The following AHNAK2 variants were observed in gnomAD, a reference collection of about 807,000 sequenced individuals.
AHNAK2 encodes the protein protein AHNAK2.
AHNAK2 carries 18 observed loss-of-function variants against 30.7 expected under a neutral mutation model. The observed-to-expected ratio is 0.59, with a 90% CI of 0.41 to 0.87. The LOEUF is 0.87. Ranked by LOEUF, AHNAK2 falls within the 40% of genes least tolerant of loss-of-function variation. The pLI, the probability that AHNAK2 is intolerant of heterozygous loss-of-function variation, is 0.00. For missense variants in AHNAK2, 8,604 were observed against 7,373.0 expected, an observed-to-expected ratio of 1.17 and a Z score of -6.11; for synonymous variants, 3,590 against 3,073.8, an observed-to-expected ratio of 1.17 and a Z score of -5.56.
chr14:104,952,416 G>A lies in AHNAK2; in HGVS notation c.3035C>T (p.Ala1012Val), dbSNP rs1898785593. Residue 1012 changes from alanine to valine, a missense_variant, in exon 7 of 7, where the codon GCC becomes GTC. By Grantham distance (64) the Ala-to-Val change is moderately conservative (BLOSUM62 0). Coordinates refer to ENST00000333244, the MANE Select transcript of AHNAK2 (RefSeq NM_138420.4). ...CAAGGCCTTGATGGACTTCCCTGGG[G>A]CCGATACCCCGAACGACGGCATCTT... is the stretch of plus-strand genomic sequence containing the variant. The part of the protein sequence containing the change: ...KFKMPSFGVS[A>V]PGKSIKALVD... 6.2e-7 allele frequency: 1 copy of A among 1,612,552 alleles called. No individual in the cohort carries two copies.
rs140294777 is a variant in AHNAK2 at position 104,947,996 on chromosome 14, A to C, written c.7455T>G (p.Ile2485Met). Residue 2485 changes from isoleucine to methionine, a missense_variant, in exon 7 of 7, where the codon ATT becomes ATG. Coordinates refer to ENST00000333244, the MANE Select transcript of AHNAK2 (RefSeq NM_138420.4). ...DVTTKDSRFK[I>M]PKFKMPSFGV... ...CGAATGACGGCATCTTGAACTTGGG[A>C]ATTTTGAACCTGCTGTCTTTGGTAG... The C allele has an allele frequency of 6.6e-3, 10,506 of 1,603,940 alleles. 672 individuals are homozygous for C. In the Admixed American group the frequency reaches 0.13, roughly 20 times the overall value.
rs1374387557 is a variant in AHNAK2, at chr14:104,943,092, G to C, written c.12359C>G (p.Ser4120Cys). ...LDGVQLEGDLSLADKDVTAKD... is the reference protein window; with the variant it reads ...LDGVQLEGDLCLADKDVTAKD... ...GGCAGTCACATCCTTGTCGGCCAGG[G>C]ACAGGTCCCCCTCCAGCTGCACACC... Residue 4120 changes from serine (S) to cysteine (C), a missense_variant, in exon 7 of 7, where the codon TCC becomes TGC. Transcript: ENST00000333244. The C allele has an allele frequency of 5.6e-6, 9 of 1,612,968 alleles. No homozygotes were observed. The East Asian group carries it at 1.8e-4, about 32-fold the overall frequency.
In AHNAK2 at chr14:104,954,171, T is replaced by C; in HGVS notation, c.1280A>G (p.Gln427Arg). The part of the protein sequence containing the change: ...ARLHGKTLEG[Q>R]AQETAVAQRK... ...CTGGGCCACTGCTGTCTCCTGTGCCTGCCCCTCCAGGGTCTTTCCATGGAG... is the reference window on the plus strand; with the variant it reads ...CTGGGCCACTGCTGTCTCCTGTGCCCGCCCCTCCAGGGTCTTTCCATGGAG... Residue 427 changes from glutamine to arginine, a missense_variant, in exon 7 of 7, where the codon CAG becomes CGG. Transcript: ENST00000333244. This position sits in a 1 kb window ranked among gnomAD's most constrained non-coding sequence, Gnocchi z 4.3. 2 of 1,610,296 alleles carry C rather than the reference T, an allele frequency of 1.2e-6. No homozygotes were observed. The highest frequency in any genetic ancestry group is 1.7e-6 in the Non-Finnish European group (2 of 1,179,800).
At position 104,954,698 on chromosome 14, in the gene AHNAK2, G is replaced by C; in HGVS notation, c.753C>G (p.Gly251=). The stretch of plus-strand genomic sequence containing the variant: ...AGAGCCTCTCCCTCTGGCTCTGCCT[G>C]CCTCTCCCCACCCTTGGTTTGGAGA... ...RLISKPRVGR[G]RQSQRERLSW... The change falls in exon 7 of 7, where the codon GGC becomes GGG. Residue 251 remains glycine, a synonymous_variant. Coordinates refer to ENST00000333244, the MANE Select transcript of AHNAK2 (RefSeq NM_138420.4). This position sits in a 1 kb window ranked among gnomAD's most constrained non-coding sequence, Gnocchi z 4.3. The C allele has an allele frequency of 6.2e-7, 1 of 1,612,866 alleles. No individual in the cohort carries two copies. Among genetic ancestry groups the C allele is most frequent in the Non-Finnish European group, 8.5e-7 (1 of 1,179,622 alleles).
At position 104,945,437 on chromosome 14, in the gene AHNAK2, C is replaced by T. The variant is rs370496520; in HGVS notation, c.10014G>A (p.Ala3338=). 7.8e-5 allele frequency: 126 copies of T among 1,613,438 alleles called. 2 individuals carry two copies. The highest frequency in any genetic ancestry group is 7.0e-4 in the South Asian group (64 of 91,058). The change falls in exon 7 of 7, where the codon GCG becomes GCA. Residue 3338 remains alanine, a synonymous_variant. Transcript: ENST00000333244. ...QASVDVSAPK[A]EADVSLPSMQ... ...TGGAGGGGAGGCTCACGTCGGCCTC[C>T]GCCTTCGGCGCAGACACATCCACCG...
Position 104,938,770 on chromosome 14 carries a change from A to C in AHNAK2, c.16681T>G (p.Ser5561Ala). 6.2e-7 allele frequency: 1 copy of C among 1,613,850 alleles called. No homozygotes were observed. The highest frequency in any genetic ancestry group is 8.5e-7 in the Non-Finnish European group (1 of 1,179,876). Residue 5561 changes from serine to alanine, a missense_variant, in exon 7 of 7, where the codon TCC (serine) becomes GCC (alanine). Physicochemically the swap from Ser to Ala is moderately conservative, Grantham distance 99 (BLOSUM62 1). Transcript: ENST00000333244. Reference protein sequence around the residue: ...APIQATPGVDSISGDLQPDTG... With the variant: ...APIQATPGVDAISGDLQPDTG... ...TCAGGCTGGAGATCTCCAGAAATGG[A>C]GTCTACTCCTGGGGTGGCTTGTATG...
In AHNAK2 at chr14:104,950,535, TGC is replaced by T. The variant is rs1411586826; in HGVS notation, c.4914_4915del (p.Gln1639AlafsTer46). ...GGCCAGGGACAGGTCCCCCTCCAGC[TGC>T]GCACCATCCAGCTTTGCTCTCGGGG... is the stretch of plus-strand genomic sequence containing the variant. On this transcript the variant is annotated frameshift_variant, in exon 7 of 7. Transcript: ENST00000333244. LOFTEE classifies it low-confidence loss of function (END_TRUNC). The T allele has an allele frequency of 6.5e-7, 1 of 1,544,096 alleles. No individual in the cohort carries two copies. Among genetic ancestry groups the T allele is most frequent in the Non-Finnish European group, 8.9e-7 (1 of 1,127,528 alleles).
At position 104,939,685 on chromosome 14, in the gene AHNAK2, C is replaced by T. The variant is rs760136978; in HGVS notation, c.15766G>A (p.Glu5256Lys). 1 of 1,613,932 alleles carries T rather than the reference C, an allele frequency of 6.2e-7. No individual in the cohort carries two copies. Among genetic ancestry groups the T allele is most frequent in the East Asian group, 2.2e-5 (1 of 44,888 alleles). The change falls in exon 7 of 7, where the codon GAA becomes AAA. Residue 5256 changes from glutamate (E) to lysine (K), a missense_variant. Transcript: ENST00000333244. ...MSLQLPEADA[E>K]VTASESKSST... ...GATTTGCTCTCAGAAGCTGTCACTT[C>T]TGCATCTGCCTCTGGGAGCTGTAGG...
intron 1 of AHNAK2, among the ~76,000 whole-genome samples, chr14:104,973,631 A>G (rs1051560671): frequency 2.4e-4 from 36 of 151,934 alleles, no homozygotes; most frequent in African/African-American, 8.5e-4. Context: ...CATCCCGGGT[A>G]CCCCCAGCTG....
Position 104,953,016 on chromosome 14 carries a change from C to G in AHNAK2, c.2435G>C (p.Gly812Ala), listed in dbSNP as rs143019301. Reference sequence around the variant, plus strand: ...GGACAGGTCCCCCTCCAGCCGCGCACCATCCAGCTTTGCTCTCGGGGCCTG... The same window carrying G: ...GGACAGGTCCCCCTCCAGCCGCGCAGCATCCAGCTTTGCTCTCGGGGCCTG... The part of the protein sequence containing the change: ...DVQAPRAKLD[G>A]ARLEGDLSLA... The change falls in exon 7 of 7, where the codon GGT becomes GCT. Residue 812 changes from glycine (G) to alanine (A), a missense_variant. By Grantham distance (60) the Gly-to-Ala change is moderately conservative. Transcript: ENST00000333244. 1.2e-3 allele frequency: 2,003 copies of G among 1,613,178 alleles called. 1 individual carries two copies. Among genetic ancestry groups the G allele is most frequent in the Non-Finnish European group, 1.4e-3 (1,703 of 1,179,714 alleles).
rs1446742524 is a variant in AHNAK2 at position 104,952,709 on chromosome 14, C to T, written c.2742G>A (p.Val914=). Residue 914 remains valine, a synonymous_variant, in exon 7 of 7, where the codon GTG becomes GTA. Transcript: ENST00000333244. Reference sequence around the variant, plus strand: ...TGGGCATCTCCACTTTGGGCAGGTGCACTTTGGGGCCGGCTCCCTCGGGCA... The same window carrying T: ...TGGGCATCTCCACTTTGGGCAGGTGTACTTTGGGGCCGGCTCCCTCGGGCA... ...GPVPEGAGPK[V]HLPKVEMPSF... is the part of the protein sequence containing the mutation. 7 of 1,613,040 alleles carry T rather than the reference C, an allele frequency of 4.3e-6. No homozygotes were observed. In the East Asian group the frequency reaches 1.1e-4, roughly 26 times the overall value.
rs576373074 is a variant in AHNAK2, at chr14:104,950,038, G to T, written c.5413C>A (p.Leu1805Met). 4 of 1,586,774 alleles carry T rather than the reference G, an allele frequency of 2.5e-6. No homozygotes were observed. Among genetic ancestry groups the T allele is most frequent in the South Asian group, 1.1e-5 (1 of 90,024 alleles). The stretch of plus-strand genomic sequence containing the variant: ...TCGGCCAGGGACAGGTCACCCTCCA[G>T]CCGCACACTGTCCAGCTTGGCTCCT... The part of the protein sequence containing the change: ...APGAKLDSVR[L>M]EGDLSLADKD... The change falls in exon 7 of 7, where the codon CTG becomes ATG. Residue 1805 changes from leucine to methionine, a missense_variant. Coordinates refer to ENST00000333244, the MANE Select transcript of AHNAK2 (RefSeq NM_138420.4).
Position 104,954,774 on chromosome 14 carries a change from C to T in AHNAK2, c.677G>A (p.Arg226Lys). 1 of 1,582,474 alleles carries T rather than the reference C, an allele frequency of 6.3e-7. No individual in the cohort carries two copies. The highest frequency in any genetic ancestry group is 1.1e-5 in the South Asian group (1 of 87,204). ...TTCCAGAGTTTTCGTGGGGGTCTCT[C>T]TGCACCCATCAGCAACATCCGTGTC... ...KEDTDVADGC[R>K]ETPTKTLEGD... Residue 226 changes from arginine to lysine, a missense_variant, in exon 7 of 7, where the codon AGA becomes AAA. Arg to Lys is a conservative substitution (Grantham distance 26). Transcript: ENST00000333244. This position sits in a 1 kb window ranked among gnomAD's most constrained non-coding sequence, Gnocchi z 4.3.
intron 1 of AHNAK2, among the ~76,000 whole-genome samples, chr14:104,968,733 T>C (rs1899384899): frequency 6.6e-6 from 1 of 152,134 alleles, no homozygotes; most frequent in Non-Finnish European, 1.5e-5. Context: ...GAAAAGTCCA[T>C]CCTGGGTGGG....
At chr14:104,976,276 TGGCCACCAGGGGGCA>T (rs1232853424) in intron 1 of AHNAK2, among the ~76,000 whole-genome samples, 2 of 152,152 alleles carry the variant, frequency 1.3e-5, no homozygotes, top group African/African-American at 4.8e-5. Context: ...GGTCCCAGCA[TGGCCACCAGGGGGCA>T]GCCTCGGCAC....
In AHNAK2 at chr14:104,954,276, C is replaced by T; in HGVS notation, c.1175G>A (p.Ser392Asn). ...ACCGAGCTCTGTGGGCAATGGCATG[C>T]TCTGAGCAGGCATCACTTCTCGATC... ...EQDREVMPAQ[S>N]MPLPTELGDP... The change falls in exon 7 of 7, where the codon AGC becomes AAC. Residue 392 changes from serine to asparagine, a missense_variant. Ser to Asn is a conservative substitution (Grantham distance 46, BLOSUM62 1). Coordinates refer to ENST00000333244, the MANE Select transcript of AHNAK2 (RefSeq NM_138420.4). The surrounding 1 kb of genome is among the most constrained non-coding windows in gnomAD (Gnocchi z 4.3). 3 of 1,613,404 alleles carry T rather than the reference C, an allele frequency of 1.9e-6. No individual in the cohort carries two copies. The highest frequency in any genetic ancestry group is 1.1e-5 in the South Asian group (1 of 91,082).
chr14:104,972,587 G>A (rs1315748094), intron 1 of AHNAK2, among the ~76,000 whole-genome samples: 1 of 152,208 alleles, frequency 6.6e-6, no homozygotes, highest in African/African-American at 2.4e-5. Flanking sequence ...TGGCCACAGC[G>A]CTGGCCACGC....
chr14:104,950,228 G>A lies in AHNAK2; in HGVS notation c.5223C>T (p.Leu1741=). The A allele has an allele frequency of 6.3e-7, 1 of 1,579,776 alleles. No individual in the cohort carries two copies. Among genetic ancestry groups the A allele is most frequent in the Non-Finnish European group, 8.6e-7 (1 of 1,160,318 alleles). ...LPEGAGFKGH[L]PKVQMPSLKM... ...TCAAACTGGGCATCTGCACCTTGGG[G>A]AGGTGCCCTTTGAAGCCGGCTCCCT... Residue 1741 remains leucine (L), a synonymous_variant, in exon 7 of 7, where the codon CTC becomes CTT. Coordinates refer to ENST00000333244, the MANE Select transcript of AHNAK2 (RefSeq NM_138420.4).
chr14:104,975,002 G>A (rs553280353), intron 1 of AHNAK2, among the ~76,000 whole-genome samples: 1 of 152,338 alleles, frequency 6.6e-6, no homozygotes, highest in African/African-American at 2.4e-5. Context: ...ACACAGAGCG[G>A]GCCAGAGTCT....
Sources: allele counts gnomAD v4.1 joint callset (sites outside exome capture counted in the v4.1 genomes callset), GRCh38; gene constraint gnomAD v4.1.1; non-coding constraint Gnocchi (gnomAD v3.1); transcripts MANE v1.5; gene names NCBI Gene and HGNC (gene_info 2026-07-23, HGNC 2026-07-21).